Variants in TTC9 observed in about 807,000 individuals in gnomAD.
The protein encoded by TTC9 is tetratricopeptide repeat domain 9.
In TTC9, 13 loss-of-function variants were observed where a neutral mutation model predicts 22.9. The observed-to-expected ratio is 0.57, with a 90% confidence interval of 0.37 to 0.90. TTC9 has a LOEUF of 0.90. Ranked by LOEUF, TTC9 falls within the 40% of genes least tolerant of loss-of-function variation. The probability of loss-of-function intolerance (pLI) is 0.01; values close to 1 mark genes in which losing one functional copy is unlikely to be tolerated. For missense variants in TTC9, 280 were observed against 291.8 expected (o/e 0.96, Z 0.29); for synonymous variants, 148 against 133.2 (o/e 1.11, Z -0.77).
chr14:70,664,581 C>A (rs959722674), intron 1 of TTC9, among the ~76,000 whole-genome samples: 6 of 152,108 alleles, frequency 3.9e-5, no homozygotes, highest in Non-Finnish European at 8.8e-5. Flanking sequence ...CAAAAATTAG[C>A]TAGGCATGGT....
At position 70,667,756 on chromosome 14, in the gene TTC9, A is replaced by T. The variant is rs1886235496; in HGVS notation, c.589+10A>T. ...ACCCAACAACCAACAGGTAAGGCGG[A>T]AATAGCTGTTTTCTTACTTCCTCCC... On this transcript the variant is annotated intron_variant, in intron 2 of 2. Coordinates refer to ENST00000256367, the MANE Select transcript of TTC9 (RefSeq NM_015351.2). 6.3e-7 allele frequency: 1 copy of T among 1,575,436 alleles called. No homozygotes were observed. Among genetic ancestry groups the T allele is most frequent in the South Asian group, 1.2e-5 (1 of 84,946 alleles).
At chr14:70,659,132 G>GCGCGCACACACACACACACACACACACA (rs762892061) in intron 1 of TTC9, among the ~76,000 whole-genome samples, 3 of 144,226 alleles carry the variant, frequency 2.1e-5, no homozygotes, top group East Asian at 4.0e-4. Flanking sequence ...ACACACACAC[G>GCGCGCACACACACACACACACACACACA]CACACACACA....
intron 2 of TTC9, among the ~76,000 whole-genome samples, chr14:70,669,601 T>C: frequency 6.7e-6 from 1 of 149,976 alleles, no homozygotes; most frequent in African/African-American, 2.5e-5. Context: ...TTTTTTAAAC[T>C]CAATCTTCCT....
intron 1 of TTC9, among the ~76,000 whole-genome samples, chr14:70,649,392 G>T (rs1885947818): frequency 6.6e-6 from 1 of 152,158 alleles, no homozygotes; most frequent in Admixed American, 6.5e-5. Flanking sequence ...TGGGGGCTGG[G>T]TATATAGCAG....
chr14:70,660,957 T>C (rs1959481), intron 1 of TTC9, among the ~76,000 whole-genome samples: 25,104 of 152,222 alleles, frequency 0.16, 2,174 homozygotes, highest in Non-Finnish European at 0.19. Flanking sequence ...TAGCAAGGTA[T>C]ATTAGTTTCC....
intron 1 of TTC9, among the ~76,000 whole-genome samples, chr14:70,660,184 A>C (rs1258522658): frequency 6.6e-6 from 1 of 152,206 alleles, no homozygotes; most frequent in East Asian, 1.9e-4. Context: ...CTCCAGGGGA[A>C]TATTTCAAAT....
chr14:70,670,661 AAAC>A (rs893941190), intron 2 of TTC9, among the ~76,000 whole-genome samples: 3 of 134,712 alleles, frequency 2.2e-5, no homozygotes, highest in African/African-American at 8.9e-5. Flanking sequence ...AAAAACAAAC[AAAC>A]AAAAAAAAAT....
intron 1 of TTC9, among the ~76,000 whole-genome samples, chr14:70,647,031 A>C (rs1218313829): frequency 6.6e-6 from 1 of 152,184 alleles, no homozygotes; most frequent in Non-Finnish European, 1.5e-5. Context: ...CTTTCTCTTG[A>C]CTTGACATGG....
chr14:70,665,466 AG>A lies in TTC9; in HGVS notation c.407-2092del, dbSNP rs541348415. ...CATGGAGAGAGAGGGAGGAGAGGGG[AG>A]GGGGGCTTGTAGCATCAGCTTATCA... On this transcript the variant is annotated intron_variant, in intron 1 of 2. Coordinates refer to ENST00000256367, the MANE Select transcript of TTC9 (RefSeq NM_015351.2). 4.7e-3 allele frequency among the ~76,000 whole-genome samples: 713 copies of A among 152,276 alleles called. 5 individuals carry two copies. Among genetic ancestry groups the A allele is most frequent in the South Asian group, 0.011 (53 of 4,820 alleles).
At chr14:70,657,693 CGGT>C in intron 1 of TTC9, among the ~76,000 whole-genome samples, 1 of 152,268 alleles carries the variant, frequency 6.6e-6, no homozygotes, top group African/African-American at 2.4e-5. Context: ...GGGCCAGACA[CGGT>C]GGCTCACACC....
chr14:70,670,949 C>A, intron 2 of TTC9, 127 bp from the exon 3 acceptor site: 1 of 777,116 alleles, frequency 1.3e-6, no homozygotes, highest in Non-Finnish European at 2.1e-6. Context: ...CATGGATAGG[C>A]AGAAGGGACC....
chr14:70,657,818 T>C (rs1886088181), intron 1 of TTC9, among the ~76,000 whole-genome samples: 1 of 151,976 alleles, frequency 6.6e-6, no homozygotes, highest in South Asian at 2.1e-4. Context: ...ATACAAAAAT[T>C]AGCCAGACCT....
At position 70,642,163 on chromosome 14, in the gene TTC9, G is replaced by T; in HGVS notation, c.34G>T (p.Gly12Trp). 1.7e-6 allele frequency: 2 copies of T among 1,191,878 alleles called. No homozygotes were observed. Among genetic ancestry groups the T allele is most frequent in the East Asian group, 7.7e-5 (2 of 25,932 alleles). 73.8% of individuals were successfully genotyped at this position (1,191,878 alleles called of 1,614,324 possible). Residue 12 changes from glycine to tryptophan, a missense_variant, in exon 1 of 3, where the codon GGG becomes TGG. This residue lies in a region of TTC9 where 49 missense variants were observed against 39.8 expected (regional missense o/e 1.23). Coordinates refer to ENST00000256367, the MANE Select transcript of TTC9 (RefSeq NM_015351.2). ...ERKGSAAGAKGNPSPPAAGEG... is the reference protein window; with the variant it reads ...ERKGSAAGAKWNPSPPAAGEG... ...AAAGGGCTCGGCGGCCGGGGCCAAGGGGAACCCGAGCCCGCCCGCGGCCGG... is the reference window on the plus strand; with the variant it reads ...AAAGGGCTCGGCGGCCGGGGCCAAGTGGAACCCGAGCCCGCCCGCGGCCGG...
chr14:70,651,989 G>T (rs986542755), intron 1 of TTC9, among the ~76,000 whole-genome samples: 50 of 151,996 alleles, frequency 3.3e-4, no homozygotes, highest in African/African-American at 1.1e-3. Context: ...AGTGGGGACA[G>T]TTGGGACCAG....
Position 70,667,662 on chromosome 14 carries a change from C to T in TTC9, c.505C>T (p.Arg169Trp), listed in dbSNP as rs1367085571. 6.2e-6 allele frequency: 10 copies of T among 1,613,828 alleles called. No homozygotes were observed. The highest frequency in any genetic ancestry group is 1.7e-5 in the Admixed American group (1 of 60,002). Residue 169 changes from arginine (R) to tryptophan (W), a missense_variant, in exon 2 of 3, where the codon CGG becomes TGG. Arg to Trp is a moderately radical substitution (Grantham distance 101). Coordinates refer to ENST00000256367, the MANE Select transcript of TTC9 (RefSeq NM_015351.2). ...KEGENFKALY[R>W]SGVAFYHLGD... ...AGGGGAGAACTTCAAGGCCCTTTAC[C>T]GGTCTGGTGTGGCCTTCTACCACCT...
rs532402081 is a variant in TTC9, at chr14:70,648,072, T to C, written c.406+5537T>C. Among the ~76,000 whole-genome samples the C allele has an allele frequency of 2.0e-5, 3 of 152,268 alleles. No individual in the cohort carries two copies. The South Asian group carries it at 6.2e-4, about 32-fold the overall frequency. ...AGGGGCTAGAGACAAGCAGTAACCT[T>C]GCAATCAGAGGATGAATTCCTAGGG... On this transcript the variant is annotated intron_variant, in intron 1 of 2. Transcript: ENST00000256367.
intron 2 of TTC9, among the ~76,000 whole-genome samples, chr14:70,668,150 G>A (rs1432886040): frequency 2.0e-5 from 3 of 152,266 alleles, no homozygotes; most frequent in Non-Finnish European, 4.4e-5. Flanking sequence ...AATACAAACA[G>A]GCAAATTTGA....
rs1486344716 is a variant in TTC9, at chr14:70,674,646, AT to A, written c.*3493del. The stretch of plus-strand genomic sequence containing the variant: ...TGCATCCTAGTGGAGATGCTTACAC[AT>A]TGTCAAACATATGTATATATTCTTT... On this transcript the variant is annotated 3_prime_UTR_variant, in exon 3 of 3. Coordinates refer to ENST00000256367, the MANE Select transcript of TTC9 (RefSeq NM_015351.2). The A allele has an allele frequency of 3.9e-5, 6 of 152,184 alleles. No homozygotes were observed. The highest frequency in any genetic ancestry group is 1.4e-4 in the African/African-American group (6 of 41,462). The allele number at this position is 152,184 out of a possible 1,614,324, so 9.4% of individuals were successfully genotyped here.
chr14:70,644,021 A>C (rs1172212703), intron 1 of TTC9, among the ~76,000 whole-genome samples: 1 of 152,256 alleles, frequency 6.6e-6, no homozygotes, highest in Non-Finnish European at 1.5e-5. Flanking sequence ...AGTCTTTGGC[A>C]TACTGTCTGC....
Sources: gnomAD v4.1 joint callset for allele counts (sites outside exome capture counted in the v4.1 genomes callset) on GRCh38, gnomAD v4.1.1 for gene constraint, gnomAD v4.1.1 regional missense constraint, MANE v1.5 for transcripts, NCBI Gene and HGNC (gene_info 2026-07-23, HGNC 2026-07-21) for gene names.